The following ZDHHC14 variants were observed in gnomAD, a reference collection of about 807,000 sequenced individuals.
ZDHHC14 encodes palmitoyltransferase ZDHHC14.
In ZDHHC14, 16 loss-of-function variants were observed where a neutral mutation model predicts 47.7. The ratio of observed to expected loss-of-function variants is 0.34; its 90% CI spans 0.23 to 0.51. ZDHHC14 has a LOEUF of 0.51. Among genes scored for constraint, ZDHHC14 ranks in the 20% least tolerant of loss-of-function variants. The probability of loss-of-function intolerance (pLI) is 0.97; values close to 1 mark genes in which losing one functional copy is unlikely to be tolerated. For synonymous variants in ZDHHC14, 293 were observed against 278.9 expected, an observed-to-expected ratio of 1.05 and a Z score of -0.50; for missense variants, 515 against 662.5, an observed-to-expected ratio of 0.78 and a Z score of 2.44.
chr6:157,494,490 G>A (rs1780007519), intron 1 of ZDHHC14, among the ~76,000 whole-genome samples: 1 of 152,218 alleles, frequency 6.6e-6, no homozygotes, highest in African/African-American at 2.4e-5. Context: ...GTGAATCTGA[G>A]GTTTAGAAAG....
chr6:157,399,501 C>T (rs772292454), intron 1 of ZDHHC14, among the ~76,000 whole-genome samples: 12 of 152,204 alleles, frequency 7.9e-5, no homozygotes, highest in Non-Finnish European at 1.8e-4. Context: ...CCTTTTTGCT[C>T]ATAACAGTCT....
chr6:157,590,485 A>C lies in ZDHHC14; in HGVS notation c.407-2503A>C, dbSNP rs1307741012. 2.0e-5 allele frequency among the ~76,000 whole-genome samples: 3 copies of C among 152,354 alleles called. No homozygotes were observed. The East Asian group carries it at 5.8e-4, about 29-fold the overall frequency. On this transcript the variant is annotated intron_variant, in intron 2 of 8. Coordinates refer to ENST00000359775, the MANE Select transcript of ZDHHC14 (RefSeq NM_024630.3). Reference sequence around the variant, plus strand: ...ATGGCTTCAGAGGGTGCAAGCCCCAAGCCTTGGTAGCTTCCATGTGGTGTT... The same window carrying C: ...ATGGCTTCAGAGGGTGCAAGCCCCACGCCTTGGTAGCTTCCATGTGGTGTT...
chr6:157,528,559 G>A (rs1045876003), intron 1 of ZDHHC14, among the ~76,000 whole-genome samples: 8 of 151,960 alleles, frequency 5.3e-5, no homozygotes, highest in African/African-American at 1.9e-4. Flanking sequence ...GTGAAACCCT[G>A]TCTCTACTAA....
intron 1 of ZDHHC14, among the ~76,000 whole-genome samples, chr6:157,535,156 G>A (rs144350885): frequency 0.12 from 19,014 of 152,140 alleles, 1,424 homozygotes; most frequent in African/African-American, 0.21. Flanking sequence ...ACGGGCAGAA[G>A]AGAGCACTCT....
At chr6:157,496,243 C>T (rs1333810701) in intron 1 of ZDHHC14, among the ~76,000 whole-genome samples, 21 of 152,068 alleles carry the variant, frequency 1.4e-4, no homozygotes, top group Middle Eastern at 3.2e-3. Context: ...GAGTGAAGCA[C>T]GGTGGTCCCA....
intron 3 of ZDHHC14, 24 bp from the exon 4 acceptor site, chr6:157,628,325 T>C (rs1206905855): frequency 6.3e-7 from 1 of 1,577,106 alleles, no homozygotes; most frequent in African/African-American, 1.4e-5. Flanking sequence ...TCCACTTTTT[T>C]TTTTTTTCTG....
chr6:157,625,229 C>T (rs1162442755), intron 3 of ZDHHC14, among the ~76,000 whole-genome samples: 1 of 152,062 alleles, frequency 6.6e-6, no homozygotes, highest in Admixed American at 6.5e-5. Context: ...GCCGATAGGA[C>T]TTGCTCATGG....
chr6:157,475,036 A>G (rs537732732), intron 1 of ZDHHC14, among the ~76,000 whole-genome samples: 1 of 152,306 alleles, frequency 6.6e-6, no homozygotes. Flanking sequence ...TTTAACTTTT[A>G]ATCCATTCTA....
At chr6:157,578,904 C>A (rs1783406852) in intron 2 of ZDHHC14, among the ~76,000 whole-genome samples, 1 of 152,140 alleles carries the variant, frequency 6.6e-6, no homozygotes, top group African/African-American at 2.4e-5. Context: ...TTCTTCCTAG[C>A]AGTGTGAGAA....
chr6:157,382,435 C>A (rs552695989), intron 1 of ZDHHC14, among the ~76,000 whole-genome samples, 169 bp downstream of exon 1: 2 of 152,232 alleles, frequency 1.3e-5, no homozygotes, highest in Admixed American at 6.5e-5. Flanking sequence ...TGCTTTTGGG[C>A]CCCCGGAAAG....
intron 1 of ZDHHC14, among the ~76,000 whole-genome samples, chr6:157,393,507 T>C (rs754158063): frequency 1.4e-4 from 22 of 152,234 alleles, no homozygotes; most frequent in African/African-American, 2.2e-4. Flanking sequence ...TAACACTAAA[T>C]ACCAGCGTCT....
chr6:157,438,104 TTTAA>T (rs1350934149), intron 1 of ZDHHC14, among the ~76,000 whole-genome samples: 1 of 152,082 alleles, frequency 6.6e-6, no homozygotes, highest in Non-Finnish European at 1.5e-5. Context: ...ATCATGTAGT[TTTAA>T]TTAATCCTAT....
chr6:157,474,984 A>T (rs1177673913), intron 1 of ZDHHC14, among the ~76,000 whole-genome samples: 2 of 152,146 alleles, frequency 1.3e-5, no homozygotes, highest in East Asian at 3.9e-4. Flanking sequence ...CCAGATCATT[A>T]TCATGGAGCT....
intron 1 of ZDHHC14, among the ~76,000 whole-genome samples, chr6:157,469,169 TGTC>T: frequency 6.6e-6 from 1 of 152,346 alleles, no homozygotes; most frequent in East Asian, 1.9e-4. Context: ...TCCAAGGGGC[TGTC>T]CTCACTCTGG....
chr6:157,472,127 C>G (rs1779369008), intron 1 of ZDHHC14, among the ~76,000 whole-genome samples: 1 of 152,134 alleles, frequency 6.6e-6, no homozygotes, highest in South Asian at 2.1e-4. Context: ...GGTGCTCAGG[C>G]CTGTCTCCCG....
chr6:157,417,726 A>G (rs1462270486), intron 1 of ZDHHC14, among the ~76,000 whole-genome samples: 8 of 152,200 alleles, frequency 5.3e-5, no homozygotes, highest in Non-Finnish European at 4.4e-5. Flanking sequence ...CACGCCTGTA[A>G]TCCCAGCACT....
intron 1 of ZDHHC14, among the ~76,000 whole-genome samples, chr6:157,462,780 C>T (rs924408759): frequency 6.6e-5 from 10 of 152,384 alleles, no homozygotes; most frequent in Admixed American, 5.9e-4. Context: ...CAGTGCCCCC[C>T]AGCCCTGGAG....
chr6:157,650,510 G>A (rs1185183154), intron 7 of ZDHHC14, among the ~76,000 whole-genome samples: 2 of 152,050 alleles, frequency 1.3e-5, no homozygotes, highest in Non-Finnish European at 2.9e-5. Flanking sequence ...AAACAGGCTG[G>A]ACGCGATGGG....
chr6:157,504,514 G>T (rs1203137239), intron 1 of ZDHHC14, among the ~76,000 whole-genome samples: 1 of 133,050 alleles, frequency 7.5e-6, no homozygotes, highest in African/African-American at 3.0e-5. Context: ...GTGCAATGGT[G>T]CAATCTCAGC....
Sources: gnomAD v4.1 joint callset for allele counts (sites outside exome capture counted in the v4.1 genomes callset) on GRCh38, gnomAD v4.1.1 for gene constraint, MANE v1.5 for transcripts, NCBI Gene and HGNC (gene_info 2026-07-23, HGNC 2026-07-21) for gene names.